Variants in STIM2 observed in about 807,000 individuals in gnomAD.
STIM2 encodes the protein stromal interaction molecule 2.
A neutral mutation model predicts 85.8 loss-of-function variants in STIM2; 31 were observed. The ratio of observed to expected loss-of-function variants is 0.36; its 90% CI spans 0.27 to 0.49. The LOEUF (loss-of-function observed/expected upper bound fraction) is 0.49, where lower values mean the gene tolerates loss of function less well. STIM2 is among the 20% of genes least tolerant of loss of function. STIM2 has a pLI of 0.98. For missense variants in STIM2, 841 were observed against 927.6 expected (o/e 0.91, Z 1.21); for synonymous variants, 356 against 331.1 (o/e 1.08, Z -0.82).
intron 3 of STIM2, among the ~76,000 whole-genome samples, chr4:26,983,471 T>C (rs1727476239): frequency 6.6e-6 from 1 of 152,224 alleles, no homozygotes; most frequent in Non-Finnish European, 1.5e-5. Context: ...CTTAATAATA[T>C]TTGTGAATTA....
intron 8 of STIM2, chr4:27,008,078 T>G (rs1472832424): frequency 8.7e-6 from 6 of 691,288 alleles, no homozygotes; most frequent in Non-Finnish European, 1.6e-5. Flanking sequence ...ATCTGAATTC[T>G]AGCCAAAAAA....
chr4:26,990,561 A>G (rs896871323), intron 3 of STIM2, among the ~76,000 whole-genome samples: 2 of 152,180 alleles, frequency 1.3e-5, no homozygotes, highest in African/African-American at 2.4e-5. Context: ...CCTGAAAAGC[A>G]TAGGCAACAA....
intron 1 of STIM2, among the ~76,000 whole-genome samples, chr4:26,887,607 G>C (rs1367671316): frequency 6.6e-6 from 1 of 152,138 alleles, no homozygotes; most frequent in African/African-American, 2.4e-5. Context: ...TGTATCCTTT[G>C]AAGCAAAGAG....
chr4:26,893,784 A>T (rs1723590741), intron 1 of STIM2, among the ~76,000 whole-genome samples: 2 of 151,868 alleles, frequency 1.3e-5, no homozygotes, highest in African/African-American at 4.8e-5. Context: ...TTTTTTTTGA[A>T]GTTGAGCATC....
intron 2 of STIM2, among the ~76,000 whole-genome samples, chr4:26,930,473 AG>A (rs1177070152): frequency 2.0e-5 from 2 of 101,568 alleles, no homozygotes; most frequent in African/African-American, 9.8e-5. Flanking sequence ...GTAGTTTTAG[AG>A]GTTTTTTTTT....
intron 2 of STIM2, among the ~76,000 whole-genome samples, chr4:26,933,647 T>G (rs1725282031): frequency 6.9e-6 from 1 of 144,774 alleles, no homozygotes; most frequent in African/African-American, 2.6e-5. Context: ...ACTTGTAATC[T>G]CAGCCAACTC....
At chr4:26,887,930 G>A (rs779994991) in intron 1 of STIM2, among the ~76,000 whole-genome samples, 5 of 152,152 alleles carry the variant, frequency 3.3e-5, no homozygotes, top group Non-Finnish European at 5.9e-5. Flanking sequence ...AAAATCCATA[G>A]GATAGGCTGG....
intron 3 of STIM2, among the ~76,000 whole-genome samples, chr4:26,989,043 T>G (rs996502789): frequency 2.6e-5 from 4 of 152,164 alleles, no homozygotes; most frequent in Non-Finnish European, 5.9e-5. Context: ...CAAGAGATTC[T>G]CCTGCCTCAG....
At chr4:26,951,730 T>TAA (rs1433955901) in intron 2 of STIM2, among the ~76,000 whole-genome samples, 25 of 152,108 alleles carry the variant, frequency 1.6e-4, no homozygotes, top group African/African-American at 6.0e-4. Flanking sequence ...TACCTCTACT[T>TAA]AAAGTGAATA....
chr4:26,867,663 A>G (rs1268406225), intron 1 of STIM2, among the ~76,000 whole-genome samples: 1 of 152,222 alleles, frequency 6.6e-6, no homozygotes, highest in East Asian at 1.9e-4. Context: ...TGTTGTGTGA[A>G]TTTCAAGCTT....
intron 10 of STIM2, among the ~76,000 whole-genome samples, chr4:27,010,663 C>T (rs1372238072): frequency 6.6e-6 from 1 of 152,040 alleles, no homozygotes; most frequent in Non-Finnish European, 1.5e-5. Context: ...TCTATACCCT[C>T]CTGAGCAGTT....
chr4:26,960,958 GGAGGCTTA>G (rs1726433468), intron 3 of STIM2, among the ~76,000 whole-genome samples: 1 of 151,710 alleles, frequency 6.6e-6, no homozygotes, highest in Non-Finnish European at 1.5e-5. Flanking sequence ...CAGCTACTAG[GGAGGCTTA>G]GGCAGCAGAA....
In STIM2 at chr4:27,014,183, T is replaced by G. The variant is rs115209412; in HGVS notation, c.1490-3528T>G. Among the ~76,000 whole-genome samples, 1,514 of 152,050 alleles carry G rather than the reference T, an allele frequency of 1.0e-2. 14 individuals carry two copies. The highest frequency in any genetic ancestry group is 0.016 in the Non-Finnish European group (1,086 of 67,818). On this transcript the variant is annotated intron_variant, in intron 10 of 11. Transcript: ENST00000467087. ...CGAAATCCTGTTTGTTTTGTTAATA[T>G]TGTCTGTTTATTTCTGCTCTTTTAT... is the stretch of plus-strand genomic sequence containing the variant.
chr4:27,015,804 T>C, intron 10 of STIM2, among the ~76,000 whole-genome samples: 1 of 136,380 alleles, frequency 7.3e-6, no homozygotes, highest in Middle Eastern at 4.0e-3. Context: ...TTTTTTTTTT[T>C]GCTAATATTT....
At chr4:27,011,884 G>A (rs906491674) in intron 10 of STIM2, among the ~76,000 whole-genome samples, 1 of 152,118 alleles carries the variant, frequency 6.6e-6, no homozygotes, top group African/African-American at 2.4e-5. Flanking sequence ...ATGGCAAATT[G>A]TGAATCTGAT....
At chr4:26,899,650 C>G (rs1723844247) in intron 1 of STIM2, among the ~76,000 whole-genome samples, 1 of 152,126 alleles carries the variant, frequency 6.6e-6, no homozygotes, top group South Asian at 2.1e-4. Context: ...GTGAAAAATT[C>G]AGTCACTGAT....
intron 1 of STIM2, among the ~76,000 whole-genome samples, chr4:26,904,814 C>A (rs7666651): frequency 0.61 from 92,473 of 150,572 alleles, 29,678 homozygotes; most frequent in African/African-American, 0.82. Context: ...TTTATATGCC[C>A]GTGGCAACAA....
intron 8 of STIM2, 66 bp downstream of exon 8, chr4:27,007,766 C>T (rs1237402226): frequency 2.1e-6 from 3 of 1,428,018 alleles, no homozygotes; most frequent in African/African-American, 1.4e-5. Context: ...AGGGATTACT[C>T]AGCTGGGATA....
intron 1 of STIM2, among the ~76,000 whole-genome samples, chr4:26,891,142 T>C (rs1350042738): frequency 1.3e-5 from 2 of 152,228 alleles, no homozygotes; most frequent in African/African-American, 4.8e-5. Flanking sequence ...TTGGCTGGTC[T>C]GTGGTGTCCA....
Sources: gnomAD v4.1 joint callset for allele counts (sites outside exome capture counted in the v4.1 genomes callset) on GRCh38, gnomAD v4.1.1 for gene constraint, MANE v1.5 for transcripts, NCBI Gene and HGNC (gene_info 2026-07-23, HGNC 2026-07-21) for gene names.